Variants in PTPRM observed in about 807,000 individuals in gnomAD.
PTPRM encodes receptor-type tyrosine-protein phosphatase mu.
A neutral mutation model predicts 186.7 loss-of-function variants in PTPRM; 47 were observed. The ratio of observed to expected loss-of-function variants is 0.25; its 90% CI spans 0.20 to 0.32. The LOEUF (loss-of-function observed/expected upper bound fraction) is 0.32. Among genes scored for constraint, PTPRM ranks in the 10% least tolerant of loss-of-function variants. PTPRM has a pLI of 1.00. For synonymous variants in PTPRM, 668 were observed against 674.9 expected (o/e 0.99, Z 0.16); for missense variants, 1,494 against 1,865.0 (o/e 0.80, Z 3.66).
At chr18:8,285,257 A>G (rs1041580139) in intron 19 of PTPRM, among the ~76,000 whole-genome samples, 2 of 152,232 alleles carry the variant, frequency 1.3e-5, no homozygotes, top group African/African-American at 4.8e-5. Flanking sequence ...TGTAAACATT[A>G]AAAAGCAAAT....
chr18:8,390,322 C>T (rs147237765), intron 31 of PTPRM, among the ~76,000 whole-genome samples: 16 of 152,326 alleles, frequency 1.1e-4, no homozygotes, highest in African/African-American at 3.8e-4. Context: ...AATAACAAAG[C>T]TTCTAGAAGA....
intron 2 of PTPRM, among the ~76,000 whole-genome samples, chr18:7,801,261 C>T (rs559371535): frequency 1.6e-4 from 25 of 152,154 alleles, no homozygotes; most frequent in African/African-American, 5.8e-4. Context: ...TCTTTATATA[C>T]TTATTCTATA....
intron 14 of PTPRM, among the ~76,000 whole-genome samples, chr18:8,237,597 C>T (rs28776209): frequency 0.028 from 4,219 of 151,868 alleles, 88 homozygotes; most frequent in East Asian, 0.054. Flanking sequence ...TACAAGCATG[C>T]GCCACCATGC....
At chr18:8,041,643 T>G (rs573652590) in intron 7 of PTPRM, among the ~76,000 whole-genome samples, 1 of 152,320 alleles carries the variant, frequency 6.6e-6, no homozygotes, top group Admixed American at 6.5e-5. Context: ...GGATTCAAAG[T>G]CCCCACAGTA....
chr18:8,219,118 A>G (rs139777741), intron 14 of PTPRM, among the ~76,000 whole-genome samples: 163 of 152,360 alleles, frequency 1.1e-3, no homozygotes, highest in African/African-American at 3.8e-3. Flanking sequence ...ACCTTAGAGT[A>G]CATTTAGGAA....
At chr18:8,104,905 A>G (rs1017856726) in intron 11 of PTPRM, among the ~76,000 whole-genome samples, 4 of 152,226 alleles carry the variant, frequency 2.6e-5, no homozygotes, top group Non-Finnish European at 5.9e-5. Context: ...CAAAGAATCA[A>G]TAAATTAAGG....
chr18:8,375,250 C>G lies in PTPRM; in HGVS notation c.3172-796C>G, dbSNP rs562234102. Among the ~76,000 whole-genome samples the G allele has an allele frequency of 1.1e-3, 161 of 152,284 alleles. 3 individuals carry two copies. The highest frequency in any genetic ancestry group is 3.8e-3 in the African/African-American group (157 of 41,552). On this transcript the variant is annotated intron_variant, in intron 24 of 32. Transcript: ENST00000580170. ...CTCCCCTTCGATTTACTGACCTAGCCTAGAATTCCAGCAAAAATATCTTTC... is the reference window on the plus strand; with the variant it reads ...CTCCCCTTCGATTTACTGACCTAGCGTAGAATTCCAGCAAAAATATCTTTC...
chr18:7,748,821 G>A (rs1163226860), intron 1 of PTPRM, among the ~76,000 whole-genome samples: 1 of 152,100 alleles, frequency 6.6e-6, no homozygotes, highest in African/African-American at 2.4e-5. Context: ...GGAACCCACA[G>A]CCTTCCATTC....
intron 1 of PTPRM, among the ~76,000 whole-genome samples, chr18:7,585,301 A>G (rs1451868378): frequency 1.3e-5 from 2 of 152,196 alleles, no homozygotes; most frequent in Non-Finnish European, 2.9e-5. Flanking sequence ...CTTCTAAGCA[A>G]GTGAGTTTTC....
intron 7 of PTPRM, among the ~76,000 whole-genome samples, chr18:8,036,931 G>C (rs1486716990): frequency 6.6e-6 from 1 of 152,150 alleles, no homozygotes; most frequent in Non-Finnish European, 1.5e-5. Flanking sequence ...GAAAGTTGCT[G>C]TTTACTGGGT....
intron 1 of PTPRM, among the ~76,000 whole-genome samples, chr18:7,768,633 G>GATAT (rs1196730216): frequency 6.9e-6 from 1 of 145,462 alleles, no homozygotes. Flanking sequence ...TATCCATAAA[G>GATAT]ATATATATAT....
At chr18:8,233,848 T>C (rs2094315110) in intron 14 of PTPRM, among the ~76,000 whole-genome samples, 2 of 152,228 alleles carry the variant, frequency 1.3e-5, no homozygotes, top group South Asian at 4.1e-4. Context: ...TGTGTCTAGA[T>C]TCATTTTTCT....
At chr18:8,008,076 C>G (rs2084298180) in intron 7 of PTPRM, among the ~76,000 whole-genome samples, 1 of 152,074 alleles carries the variant, frequency 6.6e-6, no homozygotes, top group Non-Finnish European at 1.5e-5. Context: ...TTCCTGAAAT[C>G]CCTTTGAAGT....
intron 1 of PTPRM, among the ~76,000 whole-genome samples, chr18:7,681,138 G>C (rs974561884): frequency 6.6e-6 from 1 of 151,972 alleles, no homozygotes; most frequent in Non-Finnish European, 1.5e-5. Flanking sequence ...TTGTTCTGAG[G>C]ATTTTTTTTC....
chr18:8,124,104 A>G (rs1484696033), intron 13 of PTPRM, among the ~76,000 whole-genome samples: 1 of 152,208 alleles, frequency 6.6e-6, no homozygotes, highest in Non-Finnish European at 1.5e-5. Flanking sequence ...GCTAGTCTGA[A>G]GGACACACAC....
intron 2 of PTPRM, among the ~76,000 whole-genome samples, chr18:7,790,138 G>A (rs1374159151): frequency 6.6e-6 from 1 of 152,146 alleles, no homozygotes; most frequent in Admixed American, 6.6e-5. Flanking sequence ...TTGCAAATGA[G>A]CTAATGAATA....
chr18:8,098,933 C>A (rs2091146660), intron 11 of PTPRM, among the ~76,000 whole-genome samples: 1 of 152,160 alleles, frequency 6.6e-6, no homozygotes, highest in Admixed American at 6.5e-5. Flanking sequence ...ATCCAGACTT[C>A]CTCTAATGGG....
At chr18:7,843,213 T>C (rs576974393) in intron 2 of PTPRM, among the ~76,000 whole-genome samples, 6 of 152,242 alleles carry the variant, frequency 3.9e-5, no homozygotes, top group Middle Eastern at 6.8e-3. Context: ...TGTTAAGCTT[T>C]ATTGCCTCTT....
intron 1 of PTPRM, among the ~76,000 whole-genome samples, chr18:7,672,299 G>T (rs761022514): frequency 2.0e-5 from 3 of 151,150 alleles, no homozygotes; most frequent in African/African-American, 7.3e-5. Flanking sequence ...TTCAGGTTAA[G>T]TTTTTTTTTC....
Sources: gnomAD v4.1 joint callset for allele counts (sites outside exome capture counted in the v4.1 genomes callset) on GRCh38, gnomAD v4.1.1 for gene constraint, MANE v1.5 for transcripts, NCBI Gene and HGNC (gene_info 2026-07-23, HGNC 2026-07-21) for gene names.